The following ANKRD6 variants were observed in gnomAD, a reference collection of about 807,000 sequenced individuals.
ANKRD6 encodes the protein ankyrin repeat domain-containing protein 6.
ANKRD6 carries 56 observed loss-of-function variants against 82.3 expected under a neutral mutation model. That is an observed-to-expected ratio of 0.68 (90% CI 0.55 to 0.85). The LOEUF (loss-of-function observed/expected upper bound fraction) is 0.85, where lower values mean the gene tolerates loss of function less well. Ranked by LOEUF, ANKRD6 falls within the 40% of genes least tolerant of loss-of-function variation. ANKRD6 has a pLI of 0.00. For synonymous variants in ANKRD6, 347 were observed against 352.1 expected (o/e 0.99, Z 0.16); for missense variants, 852 against 907.6 (o/e 0.94, Z 0.79).
chr6:89,542,479 AC>A (rs1784554080), intron 1 of ANKRD6, among the ~76,000 whole-genome samples: 2 of 152,150 alleles, frequency 1.3e-5, no homozygotes, highest in Admixed American at 6.5e-5. Context: ...AGAAAGGGAA[AC>A]TTCATCTTGT....
chr6:89,606,858 G>A (rs1234994208), intron 5 of ANKRD6, among the ~76,000 whole-genome samples: 1 of 151,292 alleles, frequency 6.6e-6, no homozygotes, highest in African/African-American at 2.4e-5. Context: ...CTGTCGTGGG[G>A]GCAGGTGGGG....
intron 6 of ANKRD6, 23 bp downstream of exon 6, chr6:89,612,393 T>C: frequency 6.5e-7 from 1 of 1,528,604 alleles, no homozygotes; most frequent in Non-Finnish European, 8.9e-7. Flanking sequence ...AACCAGATTC[T>C]CACGTTCTCT....
chr6:89,572,849 G>A (rs187371814), intron 2 of ANKRD6, among the ~76,000 whole-genome samples: 1 of 152,216 alleles, frequency 6.6e-6, no homozygotes, highest in Admixed American at 6.5e-5. Context: ...TTATTTCTAT[G>A]CTTTCTATTA....
intron 9 of ANKRD6, among the ~76,000 whole-genome samples, chr6:89,620,806 C>T (rs1399955789): frequency 1.3e-5 from 2 of 152,064 alleles, no homozygotes; most frequent in African/African-American, 4.8e-5. Context: ...TGGCTCATGC[C>T]TGTAATCCCA....
chr6:89,543,957 A>C (rs542447449), intron 1 of ANKRD6, among the ~76,000 whole-genome samples: 1 of 152,160 alleles, frequency 6.6e-6, no homozygotes, highest in Admixed American at 6.5e-5. Flanking sequence ...ACCATCCCCC[A>C]TTAATTAAAA....
intron 1 of ANKRD6, among the ~76,000 whole-genome samples, chr6:89,489,801 G>A (rs1039993401): frequency 2.6e-5 from 4 of 152,146 alleles, no homozygotes; most frequent in Non-Finnish European, 5.9e-5. Context: ...TGTGTCTAAC[G>A]GTAATTGGAA....
chr6:89,550,547 G>A (rs1044723107), intron 1 of ANKRD6, among the ~76,000 whole-genome samples: 1 of 152,096 alleles, frequency 6.6e-6, no homozygotes, highest in Non-Finnish European at 1.5e-5. Context: ...GGGTGTGAGG[G>A]GCTGCTGGAT....
At chr6:89,460,308 CT>C (rs200701376) in intron 1 of ANKRD6, among the ~76,000 whole-genome samples, 3,721 of 151,962 alleles carry the variant, frequency 0.024, 83 homozygotes, top group Non-Finnish European at 0.04. Context: ...TAGATCCTGA[CT>C]TTTTTTCTTT....
chr6:89,490,705 C>T (rs1339024624), intron 1 of ANKRD6, among the ~76,000 whole-genome samples: 1 of 152,182 alleles, frequency 6.6e-6, no homozygotes, highest in Non-Finnish European at 1.5e-5. Context: ...GGACCAAACA[C>T]AGCTGTGAGA....
chr6:89,528,888 G>A (rs1782820311), intron 1 of ANKRD6, among the ~76,000 whole-genome samples: 1 of 152,218 alleles, frequency 6.6e-6, no homozygotes, highest in Non-Finnish European at 1.5e-5. Context: ...AGGGAATCTT[G>A]TTATCTGAGC....
chr6:89,590,865 A>C (rs776049711), intron 2 of ANKRD6, among the ~76,000 whole-genome samples: 2 of 152,198 alleles, frequency 1.3e-5, no homozygotes, highest in Non-Finnish European at 2.9e-5. Context: ...TGTCCACCTC[A>C]TAGGATAATT....
At chr6:89,462,239 T>TAAAAAA (rs60355520) in intron 1 of ANKRD6, among the ~76,000 whole-genome samples, 89 of 143,242 alleles carry the variant, frequency 6.2e-4, no homozygotes, top group Non-Finnish European at 9.5e-4. Context: ...CTCAAAATAA[T>TAAAAAA]AATAATAATA....
intron 1 of ANKRD6, among the ~76,000 whole-genome samples, chr6:89,538,864 G>T (rs966659099): frequency 1.3e-5 from 2 of 151,956 alleles, no homozygotes; most frequent in Non-Finnish European, 2.9e-5. Flanking sequence ...ATGCAAAGAA[G>T]AAGAGCAACA....
intron 2 of ANKRD6, among the ~76,000 whole-genome samples, chr6:89,582,237 G>A (rs182430081): frequency 2.4e-4 from 36 of 152,188 alleles, no homozygotes; most frequent in African/African-American, 4.8e-5. Flanking sequence ...AGATGGTGGG[G>A]GTGGAGTCTT....
rs915947866 is a variant in ANKRD6 at position 89,631,569 on chromosome 6, C to T, written c.*565C>T. The T allele has an allele frequency of 6.6e-6, 1 of 152,148 alleles. No individual in the cohort carries two copies. The highest frequency in any genetic ancestry group is 2.4e-5 in the African/African-American group (1 of 41,432). The allele number at this position is 152,148 out of a possible 1,614,324, so 9.4% of individuals were successfully genotyped here. A position where few individuals can be genotyped will look rare whatever the true frequency, so the allele number is the denominator to read the frequency against. On this transcript the variant is annotated 3_prime_UTR_variant, in exon 16 of 16. Transcript: ENST00000339746. The stretch of plus-strand genomic sequence containing the variant: ...TCAGATTTTTGAGGAGAAATATTTT[C>T]ATGATGTCACAAGATCCAATATATC...
At chr6:89,555,564 A>G (rs1786477301) in intron 1 of ANKRD6, among the ~76,000 whole-genome samples, 1 of 152,080 alleles carries the variant, frequency 6.6e-6, no homozygotes, top group Non-Finnish European at 1.5e-5. Flanking sequence ...TATTAGGAGA[A>G]CCTTTAAGAG....
rs1807424725 is a variant in ANKRD6, at chr6:89,631,662, CAAT to C, written c.*659_*661del. 6.6e-6 allele frequency: 1 copy of C among 152,110 alleles called. No individual in the cohort carries two copies. The highest frequency in any genetic ancestry group is 2.4e-5 in the African/African-American group (1 of 41,414). 9.4% of individuals were successfully genotyped at this position (152,110 alleles called of 1,614,324 possible). ...AATAATTGGCTAACAGCTCTGGAAACAATGAGATCAAATGAGAAAGATTCAAAT... is the reference window on the plus strand; with the variant it reads ...AATAATTGGCTAACAGCTCTGGAAACGAGATCAAATGAGAAAGATTCAAAT... On this transcript the variant is annotated 3_prime_UTR_variant, in exon 16 of 16. Coordinates refer to ENST00000339746, the MANE Select transcript of ANKRD6 (RefSeq NM_001242809.2).
chr6:89,499,012 A>G (rs1778962487), intron 1 of ANKRD6, among the ~76,000 whole-genome samples: 1 of 152,110 alleles, frequency 6.6e-6, no homozygotes, highest in African/African-American at 2.4e-5. Context: ...CAATTTTCCT[A>G]ACCACCTTCC....
At chr6:89,502,478 G>A (rs140864952) in intron 1 of ANKRD6, among the ~76,000 whole-genome samples, 5 of 151,806 alleles carry the variant, frequency 3.3e-5, no homozygotes, top group South Asian at 2.1e-4. Context: ...AAACCATGGC[G>A]AACCTTTATT....
Sources: gnomAD v4.1 joint callset for allele counts (sites outside exome capture counted in the v4.1 genomes callset) on GRCh38, gnomAD v4.1.1 for gene constraint, MANE v1.5 for transcripts, NCBI Gene and HGNC (gene_info 2026-07-23, HGNC 2026-07-21) for gene names.